Variants in TENM3 observed in about 807,000 individuals in gnomAD.
The protein encoded by TENM3 is teneurin-3.
TENM3 carries 63 observed loss-of-function variants against 255.1 expected under a neutral mutation model. The ratio of observed to expected loss-of-function variants is 0.25; its 90% CI spans 0.20 to 0.30. The LOEUF (loss-of-function observed/expected upper bound fraction) is 0.30. Among genes scored for constraint, TENM3 ranks in the 10% least tolerant of loss-of-function variants. TENM3 has a pLI of 1.00. For missense variants in TENM3, 2,929 were observed against 3,461.1 expected (o/e 0.85, Z 3.86); for synonymous variants, 1,306 against 1,322.3 (o/e 0.99, Z 0.27).
At chr4:181,768,019 G>A in the TENM3 span, among the ~76,000 whole-genome samples, 1 of 152,188 alleles carries the variant, frequency 6.6e-6, no homozygotes, top group Non-Finnish European at 1.5e-5. Context: ...AAGGCAAATG[G>A]CTATTCAACT....
chr4:181,723,185 A>C, the TENM3 span, among the ~76,000 whole-genome samples: 3 of 151,626 alleles, frequency 2.0e-5, no homozygotes, highest in African/African-American at 7.3e-5. Context: ...CTTAATTTCA[A>C]TGATTGTACA....
chr4:182,304,093 C>T (rs187372236), intron 1 of TENM3, among the ~76,000 whole-genome samples: 71 of 150,644 alleles, frequency 4.7e-4, no homozygotes, highest in African/African-American at 1.7e-3. Context: ...TTAAAATAGA[C>T]TATGAAGACT....
At chr4:182,634,593 A>C (rs1751684212) in intron 5 of TENM3, among the ~76,000 whole-genome samples, 2 of 151,838 alleles carry the variant, frequency 1.3e-5, no homozygotes, top group African/African-American at 4.8e-5. Flanking sequence ...CTGATTTCTA[A>C]CCACAAATGT....
intron 2 of TENM3, among the ~76,000 whole-genome samples, chr4:182,328,234 G>T (rs1040042280): frequency 6.6e-6 from 1 of 152,044 alleles, no homozygotes; most frequent in Non-Finnish European, 1.5e-5. Context: ...TTTTGTTTTT[G>T]AGATGGAGTC....
the TENM3 span, among the ~76,000 whole-genome samples, chr4:181,784,160 GT>G: frequency 1.0e-3 from 148 of 148,004 alleles, no homozygotes; most frequent in East Asian, 0.012. Context: ...CGAGTCATCT[GT>G]TTTTTTTTTT....
chr4:181,900,711 A>G, the TENM3 span, among the ~76,000 whole-genome samples: 1 of 152,218 alleles, frequency 6.6e-6, no homozygotes, highest in Admixed American at 6.5e-5. Flanking sequence ...CTCAGTGTGA[A>G]GTGCAACAAA....
the TENM3 span, among the ~76,000 whole-genome samples, chr4:181,931,875 C>A: frequency 6.6e-6 from 1 of 152,058 alleles, no homozygotes; most frequent in African/African-American, 2.4e-5. Flanking sequence ...CATCTACAAC[C>A]ATCTGATCTT....
intron 1 of TENM3, among the ~76,000 whole-genome samples, chr4:182,212,428 G>T (rs949779863): frequency 6.6e-6 from 1 of 152,084 alleles, no homozygotes; most frequent in South Asian, 2.1e-4. Context: ...GCAGGCGCCC[G>T]TTGGCCACCT....
chr4:181,692,572 A>G, the TENM3 span, among the ~76,000 whole-genome samples: 1 of 152,196 alleles, frequency 6.6e-6, no homozygotes, highest in African/African-American at 2.4e-5. Context: ...TTGGGTATAA[A>G]CCACGTATTT....
At chr4:182,415,883 C>T (rs1463635584) in intron 3 of TENM3, among the ~76,000 whole-genome samples, 1 of 152,100 alleles carries the variant, frequency 6.6e-6, no homozygotes, top group Non-Finnish European at 1.5e-5. Context: ...TACTGAGCTA[C>T]TTGGAGTCGT....
intron 1 of TENM3, among the ~76,000 whole-genome samples, chr4:182,294,372 G>T (rs1761332297): frequency 1.3e-5 from 2 of 152,038 alleles, no homozygotes; most frequent in Non-Finnish European, 2.9e-5. Context: ...TGGCTGCCCT[G>T]AAACATTCAA....
upstream of TENM3, among the ~76,000 whole-genome samples, chr4:182,238,580 G>A (rs761162412): frequency 9.2e-5 from 14 of 152,078 alleles, no homozygotes; most frequent in South Asian, 2.1e-4. Context: ...TTTTTGTTCC[G>A]AGATGAGTCT....
the TENM3 span, among the ~76,000 whole-genome samples, chr4:181,904,789 C>G: frequency 6.6e-6 from 1 of 152,146 alleles, no homozygotes; most frequent in African/African-American, 2.4e-5. Flanking sequence ...GTGTCCCCAC[C>G]CAAATCTCAT....
chr4:182,593,567 C>T (rs144198002), intron 3 of TENM3, among the ~76,000 whole-genome samples: 68 of 152,196 alleles, frequency 4.5e-4, no homozygotes, highest in African/African-American at 1.3e-3. Context: ...TCCCTGGGGA[C>T]GTGTGTAGCC....
intron 1 of TENM3, among the ~76,000 whole-genome samples, chr4:182,306,053 G>C (rs549691934): frequency 1.5e-4 from 23 of 152,180 alleles, no homozygotes; most frequent in African/African-American, 5.1e-4. Flanking sequence ...TGGTGGGTCT[G>C]GCTGATCTTT....
At chr4:181,983,461 G>C in the TENM3 span, among the ~76,000 whole-genome samples, 1 of 152,056 alleles carries the variant, frequency 6.6e-6, no homozygotes, top group South Asian at 2.1e-4. Flanking sequence ...CCTCTCAAGT[G>C]GTTATATTCA....
the TENM3 span, among the ~76,000 whole-genome samples, chr4:182,135,864 G>T: frequency 1.3e-5 from 2 of 152,226 alleles, no homozygotes; most frequent in African/African-American, 2.4e-5. Flanking sequence ...GAAGTTTTGT[G>T]AGACTGAACC....
chr4:182,076,215 T>TC, the TENM3 span, among the ~76,000 whole-genome samples: 242 of 27,110 alleles, frequency 8.9e-3, no homozygotes, highest in Middle Eastern at 0.034. Flanking sequence ...TTCTTCTTCT[T>TC]TTTTTTTTTT....
intron 1 of TENM3, among the ~76,000 whole-genome samples, chr4:182,200,060 A>T (rs1754088934): frequency 6.6e-6 from 1 of 152,138 alleles, no homozygotes; most frequent in African/African-American, 2.4e-5. Flanking sequence ...GGGTTTTATC[A>T]GGATATAATT....
Sources: gnomAD v4.1 joint callset for allele counts (sites outside exome capture counted in the v4.1 genomes callset) on GRCh38, gnomAD v4.1.1 for gene constraint, MANE v1.5 for transcripts, NCBI Gene and HGNC (gene_info 2026-07-23, HGNC 2026-07-21) for gene names.